The following CASP2 variants were observed in gnomAD, a reference collection of about 807,000 sequenced individuals.
The protein encoded by CASP2 is caspase-2.
A neutral mutation model predicts 54.4 loss-of-function variants in CASP2; 38 were observed. The observed-to-expected ratio is 0.70, with a 90% CI of 0.54 to 0.92. The LOEUF (loss-of-function observed/expected upper bound fraction) is 0.92. CASP2 is among the 40% of genes least tolerant of loss of function. The pLI is 0.00. For synonymous variants in CASP2, 215 were observed against 216.3 expected, an observed-to-expected ratio of 0.99 and a Z score of 0.05; for missense variants, 512 against 579.6, an observed-to-expected ratio of 0.88 and a Z score of 1.20.
At chr7:143,288,779 G>T (rs1801464863) in intron 1 of CASP2, among the ~76,000 whole-genome samples, 1 of 152,216 alleles carries the variant, frequency 6.6e-6, no homozygotes, top group African/African-American at 2.4e-5. Flanking sequence ...TTCAACCCAC[G>T]AGGGTTCTAA....
In CASP2 at chr7:143,306,090, G is replaced by C. The variant is rs1802053191; in HGVS notation, c.*1019G>C. 1 of 152,050 alleles carries C rather than the reference G, an allele frequency of 6.6e-6. No homozygotes were observed. Among genetic ancestry groups the C allele is most frequent in the Non-Finnish European group, 1.5e-5 (1 of 68,022 alleles). The allele number at this position is 152,050 out of a possible 1,614,324, so 9.4% of individuals were successfully genotyped here. On this transcript the variant is annotated 3_prime_UTR_variant, in exon 11 of 11. Coordinates refer to ENST00000310447, the MANE Select transcript of CASP2 (RefSeq NM_032982.4). ...TTACAGGATCATGTAAATGCTCAAA[G>C]ATGTAATGTAGTTCTTTGTTCCTGC...
At position 143,294,201 on chromosome 7, in the gene CASP2, A is replaced by G. The variant is rs777091246; in HGVS notation, c.476-29A>G. 16 of 1,121,060 alleles carry G rather than the reference A, an allele frequency of 1.4e-5. No individual in the cohort carries two copies. The Admixed American group carries it at 1.5e-4, about 11-fold the overall frequency. The allele number at this position is 1,121,060 out of a possible 1,614,324, so 69.4% of individuals were successfully genotyped here. Reference sequence around the variant, plus strand: ...AAGATTGATGGTTAAGTTATATACTAGTTTTTTGGTTTTCTGTCTATACCA... The same window carrying G: ...AAGATTGATGGTTAAGTTATATACTGGTTTTTTGGTTTTCTGTCTATACCA... On this transcript the variant is annotated intron_variant, in intron 4 of 10. Coordinates refer to ENST00000310447, the MANE Select transcript of CASP2 (RefSeq NM_032982.4).
intron 6 of CASP2, chr7:143,298,808 T>C (rs1291692943): frequency 6.6e-6 from 1 of 151,454 alleles, no homozygotes; most frequent in Admixed American, 6.6e-5. Flanking sequence ...AGCAAGATCC[T>C]GTCTAAAAAA....
rs753301785 is a variant in CASP2, at chr7:143,291,571, C to G, written c.106C>G (p.His36Asp). 1 of 1,613,886 alleles carries G rather than the reference C, an allele frequency of 6.2e-7. No individual in the cohort carries two copies. The highest frequency in any genetic ancestry group is 2.2e-5 in the East Asian group (1 of 44,884). ...ILGVCGMHPHHQETLKKNRVV... is the reference protein window; with the variant it reads ...ILGVCGMHPHDQETLKKNRVV... ...GGGAGTGTGTGGCATGCATCCTCAT[C>G]ATCAGGAAACTCTAAAAAAGAACCG... The change falls in exon 2 of 11, where the codon CAT (histidine) becomes GAT (aspartate). Residue 36 changes from histidine to aspartate, a missense_variant. By Grantham distance (81) the His-to-Asp change is moderately conservative. Around this residue, in one of 3 missense-constraint regions of CASP2, gnomAD observed 89 missense variants for 67.1 expected, o/e 1.33. Coordinates refer to ENST00000310447, the MANE Select transcript of CASP2 (RefSeq NM_032982.4).
chr7:143,301,746 C>G (rs1261991368), intron 8 of CASP2: 1 of 152,176 alleles, frequency 6.6e-6, no homozygotes, highest in Non-Finnish European at 1.5e-5. Flanking sequence ...TCCTCCCAAA[C>G]AGATGCTCGG....
chr7:143,300,398 G>A, intron 8 of CASP2, 104 bp downstream of exon 8: 1 of 1,599,928 alleles, frequency 6.3e-7, no homozygotes, highest in Non-Finnish European at 8.5e-7. Flanking sequence ...GGATCCCTTG[G>A]GCACCTCCTT....
In CASP2 at chr7:143,305,679, G is replaced by A. The variant is rs891443169; in HGVS notation, c.*608G>A. 4 of 163,244 alleles carry A rather than the reference G, an allele frequency of 2.5e-5. No individual in the cohort carries two copies. Among genetic ancestry groups the A allele is most frequent in the Admixed American group, 5.6e-5 (1 of 17,784 alleles). 10.1% of individuals were successfully genotyped at this position (163,244 alleles called of 1,614,324 possible). On this transcript the variant is annotated 3_prime_UTR_variant, in exon 11 of 11. Coordinates refer to ENST00000310447, the MANE Select transcript of CASP2 (RefSeq NM_032982.4). ...CCCAGTGGAAGGACACTCTTGGCTC[G>A]TTTGGGCTCAAGGCACCGCAGCCTG... is the stretch of plus-strand genomic sequence containing the variant.
Position 143,306,715 on chromosome 7 carries a change from C to G in CASP2, c.*1644C>G, listed in dbSNP as rs1241362469. The G allele has an allele frequency of 6.6e-6, 1 of 151,904 alleles. No homozygotes were observed. 9.4% of individuals were successfully genotyped at this position (151,904 alleles called of 1,614,324 possible). A position where few individuals can be genotyped will look rare whatever the true frequency, so the allele number is the denominator to read the frequency against. ...CTCACTATGTTTCTCAGACTGGTCT[C>G]GAACTCCTGGCCTCAAGCCATCTTC... is the stretch of plus-strand genomic sequence containing the variant. On this transcript the variant is annotated 3_prime_UTR_variant, in exon 11 of 11. Coordinates refer to ENST00000310447, the MANE Select transcript of CASP2 (RefSeq NM_032982.4).
chr7:143,303,650 C>T, intron 8 of CASP2, 134 bp from the exon 9 acceptor site: 1 of 698,476 alleles, frequency 1.4e-6, no homozygotes, highest in South Asian at 1.6e-5. Flanking sequence ...AGTTTATCAG[C>T]CATAGGTTGG....
At chr7:143,293,510 TTG>T (rs1273566614) in intron 4 of CASP2, among the ~76,000 whole-genome samples, 5 of 151,646 alleles carry the variant, frequency 3.3e-5, no homozygotes, top group African/African-American at 7.3e-5. Context: ...TTGTGGTTTT[TTG>T]TTTTTTTTTT....
Position 143,296,981 on chromosome 7 carries a change from A to G in CASP2, c.747+2208A>G, listed in dbSNP as rs1801773434. Among the ~76,000 whole-genome samples the G allele has an allele frequency of 2.0e-5, 3 of 152,170 alleles. No homozygotes were observed. The South Asian group carries it at 6.2e-4, about 31-fold the overall frequency. On this transcript the variant is annotated intron_variant, in intron 6 of 10. Coordinates refer to ENST00000310447, the MANE Select transcript of CASP2 (RefSeq NM_032982.4). ...ATTATGATTTACCCTATGTTAGGAA[A>G]CGTACTCTTCAAAGTGGAAATTTCC...
rs529356685 is a variant in CASP2, at chr7:143,294,270, C to T, written c.516C>T (p.Val172=). The part of the protein sequence containing the change: ...EHSLDNKDGP[V]CLQVKPCTPE... ...CCCTAGACAATAAAGATGGTCCTGT[C>T]TGCCTTCAGGTGAAGCCTTGCACTC... The change falls in exon 5 of 11, where the codon GTC becomes GTT. Residue 172 remains valine (V), a synonymous_variant. Coordinates refer to ENST00000310447, the MANE Select transcript of CASP2 (RefSeq NM_032982.4). 6.2e-7 allele frequency: 1 copy of T among 1,612,864 alleles called. No homozygotes were observed. Among genetic ancestry groups the T allele is most frequent in the African/African-American group, 1.3e-5 (1 of 75,032 alleles).
intron 1 of CASP2, among the ~76,000 whole-genome samples, chr7:143,288,829 T>C (rs1026904912): frequency 7.9e-5 from 12 of 152,238 alleles, no homozygotes; most frequent in African/African-American, 2.9e-4. Flanking sequence ...TTGGGTTCTC[T>C]TGAAGATTCT....
intron 3 of CASP2, 34 bp downstream of exon 3, chr7:143,292,501 G>A (rs1195197691): frequency 1.9e-6 from 3 of 1,613,150 alleles, no homozygotes; most frequent in Non-Finnish European, 2.5e-6. Flanking sequence ...GTGTTGGGAA[G>A]GGTTAGTTTG....
Position 143,304,003 on chromosome 7 carries a change from G to A in CASP2, c.1117+70G>A, listed in dbSNP as rs4647334. ...CACTTTGCTTTATTGTGCTTTGCAG[G>A]TACAGGTTGAGTATCCCTTATCTGA... On this transcript the variant is annotated intron_variant, in intron 9 of 10. Coordinates refer to ENST00000310447, the MANE Select transcript of CASP2 (RefSeq NM_032982.4). The A allele has an allele frequency of 2.1e-6, 3 of 1,402,766 alleles. No homozygotes were observed. The African/African-American group carries it at 4.3e-5, about 20-fold the overall frequency. 86.9% of individuals were successfully genotyped at this position (1,402,766 alleles called of 1,614,324 possible). A position where few individuals can be genotyped will look rare whatever the true frequency, so the allele number is the denominator to read the frequency against.
chr7:143,294,379 C>T (rs1042687153), intron 5 of CASP2, 55 bp downstream of exon 5: 2 of 1,262,584 alleles, frequency 1.6e-6, no homozygotes, highest in African/African-American at 1.5e-5. Context: ...GACACCCTTC[C>T]TGGGAACCTG....
rs1230468886 is a variant in CASP2 at position 143,288,497 on chromosome 7, C to T, written c.42C>T (p.His14=). Residue 14 remains histidine, a synonymous_variant, in exon 1 of 11, where the codon CAC becomes CAT. Transcript: ENST00000310447. ...PSAGSWSTFQ[H]KELMAADRGR... is the part of the protein sequence containing the mutation. ...CGGGGTCTTGGTCCACCTTCCAGCACAAGGAGCTGATGGCCGCTGACAGGG... is the reference window on the plus strand; with the variant it reads ...CGGGGTCTTGGTCCACCTTCCAGCATAAGGAGCTGATGGCCGCTGACAGGG... 1.2e-6 allele frequency: 2 copies of T among 1,613,392 alleles called. No homozygotes were observed. The highest frequency in any genetic ancestry group is 1.7e-6 in the Non-Finnish European group (2 of 1,179,676).
At chr7:143,303,484 G>A (rs1801978232) in intron 8 of CASP2, 2 of 272,180 alleles carry the variant, frequency 7.3e-6, no homozygotes, top group Non-Finnish European at 7.2e-6. Context: ...TTTACAAGGA[G>A]TATTTGATTT....
At chr7:143,304,571 G>A (rs748992753) in intron 9 of CASP2, 103 bp from the exon 10 acceptor site, 50 of 831,242 alleles carry the variant, frequency 6.0e-5, no homozygotes, top group Non-Finnish European at 1.0e-4. Flanking sequence ...TTCATGCTGG[G>A]TTCTCTGACT....
Sources: allele counts gnomAD v4.1 joint callset (sites outside exome capture counted in the v4.1 genomes callset), GRCh38; gene constraint gnomAD v4.1.1; regional missense constraint gnomAD v4.1.1; transcripts MANE v1.5; gene names NCBI Gene and HGNC (gene_info 2026-07-23, HGNC 2026-07-21).